Variants in SCMH1 observed in about 807,000 individuals in gnomAD.
SCMH1 encodes Scm polycomb group protein homolog 1, also known as polycomb protein SCMH1.
A neutral mutation model predicts 70.8 loss-of-function variants in SCMH1; 37 were observed. The observed-to-expected ratio is 0.52, with a 90% CI of 0.40 to 0.69. The LOEUF (loss-of-function observed/expected upper bound fraction) is 0.69, where lower values mean the gene tolerates loss of function less well. SCMH1 is among the 30% of genes least tolerant of loss of function. The pLI is 0.00. For missense variants in SCMH1, 607 were observed against 827.3 expected (o/e 0.73, Z 3.27); for synonymous variants, 292 against 307.4 (o/e 0.95, Z 0.52).
chr1:41,160,947 C>A, intron 3 of SCMH1, 49 bp from the exon 4 acceptor site: 2 of 1,507,252 alleles, frequency 1.3e-6, no homozygotes, highest in South Asian at 1.2e-5. Context: ...ACAAACATAC[C>A]AACATGATGG....
Position 41,074,072 on chromosome 1 carries a change from CTTTTTTTTT to C in SCMH1, c.978+1138_978+1146del, listed in dbSNP as rs532510799. Among the ~76,000 whole-genome samples, 78 of 128,462 alleles carry C rather than the reference CTTTTTTTTT, an allele frequency of 6.1e-4. 1 individual carries two copies. Among genetic ancestry groups the C allele is most frequent in the Non-Finnish European group, 1.1e-3 (63 of 59,964 alleles). The allele number at this position is 128,462 out of a possible 152,430, so 84.3% of individuals were successfully genotyped here. On this transcript the variant is annotated intron_variant, in intron 9 of 14. Transcript: ENST00000337495. The stretch of plus-strand genomic sequence containing the variant: ...CCCTAGAGAAGCTGCTGACAGAAGT[CTTTTTTTTT>C]TTTTTTTTTTATATCAATGCCTTCC...
At chr1:41,094,405 C>G (rs1664508698) in intron 8 of SCMH1, among the ~76,000 whole-genome samples, 1 of 152,096 alleles carries the variant, frequency 6.6e-6, no homozygotes, top group Admixed American at 6.6e-5. Context: ...GTAGAGTTAA[C>G]ATTATGAAAA....
Position 41,121,964 on chromosome 1 carries a change from A to T in SCMH1, c.413-4954T>A, listed in dbSNP as rs553989263. 2.6e-5 allele frequency among the ~76,000 whole-genome samples: 4 copies of T among 152,296 alleles called. No homozygotes were observed. The East Asian group carries it at 7.7e-4, about 29-fold the overall frequency. On this transcript the variant is annotated intron_variant, in intron 6 of 14. Transcript: ENST00000337495. ...ATGGCTTTCCCACTTAATATATGCT[A>T]GATCGACCCACATTTCACCATCTCT...
At chr1:41,161,211 T>C (rs1191001598) in intron 3 of SCMH1, among the ~76,000 whole-genome samples, 153 bp downstream of exon 3, 1 of 152,246 alleles carries the variant, frequency 6.6e-6, no homozygotes, top group African/African-American at 2.4e-5. Context: ...ACAAAGTATA[T>C]TGCTTATGAC....
At chr1:41,223,034 T>C (rs1377042080) in intron 1 of SCMH1, among the ~76,000 whole-genome samples, 1 of 152,206 alleles carries the variant, frequency 6.6e-6, no homozygotes. Context: ...GGTTGCTTCA[T>C]GTTTATTTCT....
At chr1:41,112,635 C>A (rs1338579692) in intron 8 of SCMH1, among the ~76,000 whole-genome samples, 5 of 151,972 alleles carry the variant, frequency 3.3e-5, no homozygotes, top group Non-Finnish European at 5.9e-5. Flanking sequence ...AGCAGTAATA[C>A]AATAAAAATT....
At chr1:41,210,760 A>G (rs902392574) in intron 1 of SCMH1, among the ~76,000 whole-genome samples, 5 of 152,190 alleles carry the variant, frequency 3.3e-5, no homozygotes, top group Non-Finnish European at 7.3e-5. Context: ...AAACCCTAGA[A>G]GAAAACCTAG....
intron 2 of SCMH1, among the ~76,000 whole-genome samples, chr1:41,178,555 G>T (rs563532697): frequency 5.3e-5 from 8 of 151,684 alleles, no homozygotes; most frequent in African/African-American, 1.7e-4. Flanking sequence ...CTGAGCAAAT[G>T]AAAAACAAAA....
chr1:41,148,630 T>C (rs377335965), intron 5 of SCMH1, among the ~76,000 whole-genome samples: 1 of 152,190 alleles, frequency 6.6e-6, no homozygotes, highest in Admixed American at 6.5e-5. Flanking sequence ...TTACATTAGT[T>C]ATCCTATATA....
chr1:41,130,923 G>A (rs527900826), intron 6 of SCMH1, among the ~76,000 whole-genome samples: 5 of 152,180 alleles, frequency 3.3e-5, no homozygotes, highest in Non-Finnish European at 5.9e-5. Context: ...TTTTGATGAA[G>A]TTCAAGTTAT....
exon 14 of SCMH1, chr1:41,028,591 C>T (rs143623408): frequency 4.7e-5 from 76 of 1,613,992 alleles, no homozygotes; most frequent in South Asian, 4.6e-4. Flanking sequence ...TACGTGTTTG[C>T]GAAACAGGTC....
chr1:41,050,233 G>T (rs1412170232), intron 10 of SCMH1, among the ~76,000 whole-genome samples: 1 of 152,174 alleles, frequency 6.6e-6, no homozygotes, highest in African/African-American at 2.4e-5. Flanking sequence ...AACCTGGTCA[G>T]CAATGACATT....
At chr1:41,048,834 C>A in exon 11 of SCMH1, 1 of 1,614,170 alleles carries the variant, frequency 6.2e-7, no homozygotes, top group Non-Finnish European at 8.5e-7. Flanking sequence ...AGTTGCTGGA[C>A]CTTCTTCTTA....
intron 2 of SCMH1, among the ~76,000 whole-genome samples, chr1:41,169,561 T>C (rs1004701810): frequency 3.3e-5 from 5 of 152,160 alleles, no homozygotes; most frequent in African/African-American, 9.7e-5. Context: ...TATAATCCTT[T>C]GGGAGACAGC....
At chr1:41,242,184 G>T (rs1312678508), upstream of SCMH1, 3 of 147,230 alleles carry the variant, frequency 2.0e-5, no homozygotes, top group African/African-American at 7.4e-5. This position sits in a 1 kb window ranked among gnomAD's most constrained non-coding sequence, Gnocchi z 5.2. Flanking sequence ...GCGGGCGGGC[G>T]GCGGGGGGCT....
chr1:41,200,866 A>G (rs1477788455), intron 1 of SCMH1, among the ~76,000 whole-genome samples: 1 of 152,176 alleles, frequency 6.6e-6, no homozygotes, highest in African/African-American at 2.4e-5. Context: ...TGATAACAAA[A>G]TGAACAGCTG....
intron 6 of SCMH1, among the ~76,000 whole-genome samples, chr1:41,119,449 CA>C (rs71062577): frequency 3.4e-4 from 23 of 67,944 alleles, no homozygotes; most frequent in East Asian, 8.0e-4. Flanking sequence ...AAAAAAAAAA[CA>C]AAAAAAAAAA....
In SCMH1 at chr1:41,104,462, A is replaced by G. The variant is rs540832755; in HGVS notation, c.745+8821T>C. Among the ~76,000 whole-genome samples, 5 of 152,328 alleles carry G rather than the reference A, an allele frequency of 3.3e-5. No individual in the cohort carries two copies. In the East Asian group the frequency reaches 9.6e-4, roughly 29 times the overall value. ...GTGGCTATTCTCATTAAAGGCACCA[A>G]AAAGTTAGCTTTGATTTGCAATCTT... On this transcript the variant is annotated intron_variant, in intron 8 of 14. Coordinates refer to ENST00000337495, the Ensembl canonical transcript of SCMH1.
chr1:41,056,328 G>A (rs537236375), intron 10 of SCMH1, among the ~76,000 whole-genome samples: 190 of 152,316 alleles, frequency 1.2e-3, no homozygotes, highest in African/African-American at 4.1e-3. Context: ...GCCATGTGGC[G>A]CAGAGATGAG....
Sources: gnomAD v4.1 joint callset for allele counts (sites outside exome capture counted in the v4.1 genomes callset) on GRCh38, gnomAD v4.1.1 for gene constraint, Gnocchi (gnomAD v3.1) non-coding constraint, MANE v1.5 for transcripts, NCBI Gene and HGNC (gene_info 2026-07-23, HGNC 2026-07-21) for gene names.